The following ZNF254 variants were observed in gnomAD, a reference collection of about 807,000 sequenced individuals.
ZNF254 encodes zinc finger protein 254.
In ZNF254, 10 loss-of-function variants were observed where a neutral mutation model predicts 12.4. The ratio of observed to expected loss-of-function variants is 0.80; its 90% confidence interval spans 0.50 to 1.36. The LOEUF is 1.36. ZNF254 is among the 40% of genes most tolerant of loss of function. ZNF254 has a pLI of 0.00. For missense variants in ZNF254, 996 were observed against 763.9 expected, an observed-to-expected ratio of 1.30 and a Z score of -3.58; for synonymous variants, 305 against 253.4, an observed-to-expected ratio of 1.20 and a Z score of -1.93.
rs1352320915 is a variant in ZNF254 at position 24,062,100 on chromosome 19, A to G, written c.-94+15821A>G. ...AACTCTGTCTCACAAAAAAAAAAAAAAAGAAAAAGAAAAAGGAGTAAAATC... is the reference window on the plus strand; with the variant it reads ...AACTCTGTCTCACAAAAAAAAAAAAGAAGAAAAAGAAAAAGGAGTAAAATC... On this transcript the variant is annotated intron_variant, in intron 2 of 4. Transcript: ENST00000613065. Among the ~76,000 whole-genome samples, 47 of 133,444 alleles carry G rather than the reference A, an allele frequency of 3.5e-4. 1 individual carries two copies. The highest frequency in any genetic ancestry group is 1.4e-3 in the African/African-American group (46 of 32,086). The allele number at this position is 133,444 out of a possible 152,430, so 87.5% of individuals were successfully genotyped here.
rs1383631797 is a variant in ZNF254, at chr19:24,069,421, A to G, written c.-94+23142A>G. On this transcript the variant is annotated intron_variant, in intron 2 of 4. Coordinates refer to the ZNF254 transcript ENST00000613065. ...CAGGAGTTCAAGACCAGCCTGGCCAACATGGTGAAACCCCATCTCTACTAA... is the reference window on the plus strand; with the variant it reads ...CAGGAGTTCAAGACCAGCCTGGCCAGCATGGTGAAACCCCATCTCTACTAA... Among the ~76,000 whole-genome samples, 6 of 149,724 alleles carry G rather than the reference A, an allele frequency of 4.0e-5. No individual in the cohort carries two copies. The East Asian group carries it at 1.2e-3, about 30-fold the overall frequency.
chr19:24,045,474 C>T (rs1369660004), intron 1 of ZNF254, among the ~76,000 whole-genome samples: 3 of 151,884 alleles, frequency 2.0e-5, no homozygotes, highest in African/African-American at 7.3e-5. Flanking sequence ...TCGAGATCAT[C>T]CTGGCTAACA....
intron 1 of ZNF254, among the ~76,000 whole-genome samples, chr19:24,090,922 G>GT (rs35449033): frequency 0.15 from 19,032 of 126,610 alleles, 2,144 homozygotes; most frequent in African/African-American, 0.33. Context: ...TCTCGGACAT[G>GT]TTTTTTTTTA....
intron 2 of ZNF254, chr19:24,080,542 TG>T (rs1971810755): frequency 6.6e-6 from 1 of 152,082 alleles, no homozygotes; most frequent in Non-Finnish European, 1.5e-5. Flanking sequence ...GTTAAGAATA[TG>T]AAGTTTCACC....
At chr19:24,051,709 G>T (rs1373396062) in intron 2 of ZNF254, among the ~76,000 whole-genome samples, 1 of 152,078 alleles carries the variant, frequency 6.6e-6, no homozygotes, top group East Asian at 1.9e-4. Flanking sequence ...TGCCCATAGG[G>T]GTATTATGAA....
intron 1 of ZNF254, among the ~76,000 whole-genome samples, chr19:24,034,171 T>C (rs1969869825): frequency 6.6e-6 from 1 of 152,142 alleles, no homozygotes; most frequent in Non-Finnish European, 1.5e-5. Context: ...TGGAAGCTGG[T>C]CTGGAACTCA....
chr19:24,033,806 C>T (rs569587432), intron 1 of ZNF254, among the ~76,000 whole-genome samples: 16 of 152,320 alleles, frequency 1.1e-4, no homozygotes, highest in African/African-American at 3.8e-4. Context: ...AGCCCCGTCC[C>T]TGCGGCGCCC....
chr19:24,043,400 G>A (rs954454437), intron 1 of ZNF254, among the ~76,000 whole-genome samples: 2 of 151,928 alleles, frequency 1.3e-5, no homozygotes, highest in Non-Finnish European at 2.9e-5. Context: ...TAGCTGGTAC[G>A]ACAGGTGCAT....
intron 2 of ZNF254, among the ~76,000 whole-genome samples, chr19:24,050,074 C>T (rs1970587423): frequency 6.6e-6 from 1 of 152,036 alleles, no homozygotes; most frequent in South Asian, 2.1e-4. Flanking sequence ...TATGAGTCTC[C>T]TGCCTGGACC....
Position 24,127,465 on chromosome 19 carries a change from C to T in ZNF254, c.1465C>T (p.Pro489Ser), listed in dbSNP as rs1323579839. The change falls in exon 4 of 4, where the codon CCC becomes TCC. Residue 489 changes from proline (P) to serine (S), a missense_variant. Coordinates refer to ENST00000357002, the MANE Select transcript of ZNF254 (RefSeq NM_203282.4). ...RHKRMHTGEK[P>S]YKCEECGKSF... ...TAAGAGGATGCACACTGGAGAGAAACCCTACAAATGTGAAGAATGTGGCAA... is the reference window on the plus strand; with the variant it reads ...TAAGAGGATGCACACTGGAGAGAAATCCTACAAATGTGAAGAATGTGGCAA... 1 of 1,613,462 alleles carries T rather than the reference C, an allele frequency of 6.2e-7. No homozygotes were observed. The highest frequency in any genetic ancestry group is 1.7e-5 in the Admixed American group (1 of 59,940).
chr19:24,092,969 C>T (rs1310884400), intron 1 of ZNF254, among the ~76,000 whole-genome samples: 3 of 152,142 alleles, frequency 2.0e-5, no homozygotes, highest in Admixed American at 1.3e-4. Flanking sequence ...TTGACATCAT[C>T]TATTTTTTTG....
intron 1 of ZNF254, among the ~76,000 whole-genome samples, chr19:24,038,271 C>T (rs1970037663): frequency 1.3e-5 from 2 of 152,192 alleles, no homozygotes; most frequent in African/African-American, 4.8e-5. Flanking sequence ...TTCAAAACTA[C>T]CTCTCATGAA....
At chr19:24,067,934 G>C (rs527433793) in intron 2 of ZNF254, among the ~76,000 whole-genome samples, 1 of 152,278 alleles carries the variant, frequency 6.6e-6, no homozygotes, top group African/African-American at 2.4e-5. Context: ...TCATCAGCCT[G>C]TACCCTGCCA....
intron 1 of ZNF254, among the ~76,000 whole-genome samples, chr19:24,100,272 C>T (rs1267051911): frequency 1.5e-5 from 2 of 130,216 alleles, no homozygotes; most frequent in Non-Finnish European, 3.1e-5. Flanking sequence ...AGAATCTCCA[C>T]TTCTTTTCCC....
At chr19:24,106,307 T>C (rs1167951449) in intron 2 of ZNF254, 3 of 565,166 alleles carry the variant, frequency 5.3e-6, no homozygotes, top group Non-Finnish European at 8.1e-6. Context: ...TGGCATAAAA[T>C]ATTGTTACAT....
intron 2 of ZNF254, among the ~76,000 whole-genome samples, chr19:24,059,421 T>G (rs550888597): frequency 1.6e-4 from 25 of 152,336 alleles, no homozygotes; most frequent in African/African-American, 6.0e-4. Context: ...ACACACAGCT[T>G]GGCCTAGCCC....
intron 1 of ZNF254, among the ~76,000 whole-genome samples, chr19:24,042,840 A>G (rs1970229955): frequency 6.6e-6 from 1 of 152,342 alleles, no homozygotes; most frequent in East Asian, 1.9e-4. Context: ...GTCTAATTAC[A>G]GCTGACACTA....
At chr19:24,046,803 GCT>G in intron 2 of ZNF254, among the ~76,000 whole-genome samples, 1 of 151,642 alleles carries the variant, frequency 6.6e-6, no homozygotes, top group African/African-American at 2.4e-5. Context: ...TTCACCCAGT[GCT>G]GATTTCTTCT....
intron 1 of ZNF254, among the ~76,000 whole-genome samples, chr19:24,099,679 C>T (rs894137249): frequency 2.0e-5 from 3 of 152,250 alleles, no homozygotes; most frequent in Middle Eastern, 3.4e-3. Context: ...GGATGGCCTC[C>T]CCAATGACCA....
Sources: gnomAD v4.1 joint callset for allele counts (sites outside exome capture counted in the v4.1 genomes callset) on GRCh38, gnomAD v4.1.1 for gene constraint, MANE v1.5 for transcripts, NCBI Gene and HGNC (gene_info 2026-07-23, HGNC 2026-07-21) for gene names.